The following WWOX variants were observed in gnomAD, a reference collection of about 807,000 sequenced individuals.
The protein encoded by WWOX is WW domain-containing oxidoreductase.
A neutral mutation model predicts 46.2 loss-of-function variants in WWOX; 69 were observed. The ratio of observed to expected loss-of-function variants is 1.49; its 90% CI spans 1.23 to 1.82. The LOEUF (loss-of-function observed/expected upper bound fraction) is 1.82. WWOX is among the 40% of genes most tolerant of loss of function. The pLI, the probability that WWOX is intolerant of heterozygous loss-of-function variation, is 0.00. For synonymous variants in WWOX, 359 were observed against 202.6 expected (o/e 1.77, Z -6.56); for missense variants, 919 against 542.6 (o/e 1.69, Z -6.89).
In WWOX at chr16:79,164,870, C is replaced by T. The variant is rs78812321; in HGVS notation, c.1057-46738C>T. Among the ~76,000 whole-genome samples the T allele has an allele frequency of 4.6e-5, 7 of 152,080 alleles. No homozygotes were observed. In the East Asian group the frequency reaches 1.4e-3, roughly 29 times the overall value. ...CGGAGACTCATAAAACCTACAAATA[C>T]ACACACAAACACAAACCAGGCAAAC... On this transcript the variant is annotated intron_variant, in intron 8 of 8. Coordinates refer to ENST00000566780, the MANE Select transcript of WWOX (RefSeq NM_016373.4).
chr16:79,197,151 C>G (rs946875437), intron 8 of WWOX, among the ~76,000 whole-genome samples: 19 of 152,158 alleles, frequency 1.2e-4, no homozygotes, highest in Non-Finnish European at 1.2e-4. Flanking sequence ...ATTCACAAGT[C>G]TGTACCATTC....
In WWOX at chr16:79,181,838, G is replaced by T. The variant is rs371681473; in HGVS notation, c.1057-29770G>T. Among the ~76,000 whole-genome samples the T allele has an allele frequency of 1.6e-4, 24 of 152,276 alleles. No homozygotes were observed. The East Asian group carries it at 4.4e-3, about 28-fold the overall frequency. On this transcript the variant is annotated intron_variant, in intron 8 of 8. Coordinates refer to ENST00000566780, the MANE Select transcript of WWOX (RefSeq NM_016373.4). The stretch of plus-strand genomic sequence containing the variant: ...TTTAGGCTGCATGTTTCATCCATTT[G>T]CAGCTGTAGCATTTTACAAACCACA...
intron 8 of WWOX, among the ~76,000 whole-genome samples, chr16:78,766,751 A>C (rs1490173080): frequency 6.6e-6 from 1 of 152,204 alleles, no homozygotes; most frequent in Non-Finnish European, 1.5e-5. Flanking sequence ...ACAGATTTTA[A>C]TGTTCAGGTT....
chr16:78,554,786 C>T lies in WWOX; in HGVS notation c.1056+122034C>T, dbSNP rs149810342. Among the ~76,000 whole-genome samples, 457 of 152,282 alleles carry T rather than the reference C, an allele frequency of 3.0e-3. 2 individuals carry two copies. Among genetic ancestry groups the T allele is most frequent in the Non-Finnish European group, 2.2e-3 (152 of 68,028 alleles). On this transcript the variant is annotated intron_variant, in intron 8 of 8. Coordinates refer to ENST00000566780, the MANE Select transcript of WWOX (RefSeq NM_016373.4). ...TATTTCTGAGTCACGTGGGCTGCAC[C>T]TATCTGTCAGAAGCCCACTGCCCAC...
chr16:78,434,470 A>G (rs372050008), intron 8 of WWOX, among the ~76,000 whole-genome samples: 1,910 of 152,274 alleles, frequency 0.013, 19 homozygotes, highest in African/African-American at 0.019. Context: ...AGGAATATGG[A>G]TCTGAACTGG....
chr16:78,426,153 T>C (rs2083072570), intron 7 of WWOX, among the ~76,000 whole-genome samples: 1 of 152,188 alleles, frequency 6.6e-6, no homozygotes, highest in African/African-American at 2.4e-5. Context: ...ATGAAACATC[T>C]AGTAATTAGG....
At chr16:78,798,412 T>A (rs919146393) in intron 8 of WWOX, among the ~76,000 whole-genome samples, 7 of 152,144 alleles carry the variant, frequency 4.6e-5, no homozygotes, top group African/African-American at 1.7e-4. Flanking sequence ...ATGAAAAAAC[T>A]GGTGCGATGC....
chr16:78,857,962 T>G (rs181912362), intron 8 of WWOX, among the ~76,000 whole-genome samples: 2 of 152,320 alleles, frequency 1.3e-5, no homozygotes, highest in East Asian at 3.9e-4. Flanking sequence ...GAATGAATGC[T>G]TTTTTAGCGT....
chr16:79,127,738 AC>A (rs2049789663), intron 8 of WWOX, among the ~76,000 whole-genome samples: 1 of 152,116 alleles, frequency 6.6e-6, no homozygotes, highest in South Asian at 2.1e-4. Flanking sequence ...TAAGCAACAT[AC>A]GACAGTTAGG....
intron 8 of WWOX, among the ~76,000 whole-genome samples, chr16:78,491,029 A>T (rs929958756): frequency 2.6e-5 from 4 of 151,926 alleles, no homozygotes; most frequent in African/African-American, 9.7e-5. Context: ...CTCTTGGCCA[A>T]CTTCATGCTT....
At chr16:78,437,904 G>A (rs1385126973) in intron 8 of WWOX, among the ~76,000 whole-genome samples, 1 of 152,152 alleles carries the variant, frequency 6.6e-6, no homozygotes, top group Non-Finnish European at 1.5e-5. Context: ...GCATTAATGT[G>A]TATTGTTTGG....
chr16:78,663,226 A>G (rs2047257614), intron 8 of WWOX, among the ~76,000 whole-genome samples: 1 of 152,212 alleles, frequency 6.6e-6, no homozygotes, highest in South Asian at 2.1e-4. Context: ...TATTTCGGGT[A>G]ATTGATATAA....
intron 6 of WWOX, among the ~76,000 whole-genome samples, chr16:78,401,520 G>C (rs1157493870): frequency 6.6e-6 from 1 of 152,110 alleles, no homozygotes; most frequent in Non-Finnish European, 1.5e-5. Context: ...TCCTGTCTTG[G>C]TATTGTGGGA....
chr16:78,819,724 C>T (rs1046432826), intron 8 of WWOX, among the ~76,000 whole-genome samples: 2 of 152,200 alleles, frequency 1.3e-5, no homozygotes, highest in African/African-American at 2.4e-5. Flanking sequence ...AGCCGCAATT[C>T]TGGGGTTCGC....
At chr16:79,090,867 C>A (rs892741210) in intron 8 of WWOX, among the ~76,000 whole-genome samples, 2 of 152,170 alleles carry the variant, frequency 1.3e-5, no homozygotes, top group African/African-American at 2.4e-5. Context: ...GATCTCAGCT[C>A]ACTGCAACCT....
At position 78,424,970 on chromosome 16, in the gene WWOX, C is replaced by A. The variant is rs781010507; in HGVS notation, c.706C>A (p.His236Asn). 6 of 1,614,052 alleles carry A rather than the reference C, an allele frequency of 3.7e-6. No homozygotes were observed. The highest frequency in any genetic ancestry group is 5.1e-6 in the Non-Finnish European group (6 of 1,180,038). ...ETTFQVNHLG[H>N]FYLVQLLQDV... ...CACCTTTCAAGTGAATCATCTGGGG[C>A]ACTTCTACCTTGTCCAGCTCCTCCA... Residue 236 changes from histidine (H) to asparagine (N), a missense_variant, in exon 7 of 9, where the codon CAC (histidine) becomes AAC (asparagine). Physicochemically the swap from His to Asn is moderately conservative, Grantham distance 68. Coordinates refer to ENST00000566780, the MANE Select transcript of WWOX (RefSeq NM_016373.4).
At chr16:78,960,657 C>T (rs2046254863) in intron 8 of WWOX, among the ~76,000 whole-genome samples, 2 of 152,302 alleles carry the variant, frequency 1.3e-5, no homozygotes, top group African/African-American at 2.4e-5. Flanking sequence ...CTGGAGGGAA[C>T]AGAGAGCCAT....
intron 8 of WWOX, among the ~76,000 whole-genome samples, chr16:78,829,197 C>G (rs2051745544): frequency 6.6e-6 from 1 of 152,238 alleles, no homozygotes; most frequent in African/African-American, 2.4e-5. Flanking sequence ...TTTTTAGGAA[C>G]TGGCGAATTG....
At chr16:78,903,399 T>C (rs2044878276) in intron 8 of WWOX, among the ~76,000 whole-genome samples, 1 of 152,212 alleles carries the variant, frequency 6.6e-6, no homozygotes, top group Admixed American at 6.5e-5. Flanking sequence ...CTCCAGTCAG[T>C]ATGATTGGTT....
Sources: allele counts gnomAD v4.1 joint callset (sites outside exome capture counted in the v4.1 genomes callset), GRCh38; gene constraint gnomAD v4.1.1; transcripts MANE v1.5; gene names NCBI Gene and HGNC (gene_info 2026-07-23, HGNC 2026-07-21).